PGLYRP3: variants seen among roughly 807,000 people sequenced by gnomAD.
PGLYRP3 encodes the protein peptidoglycan recognition protein I alpha.
PGLYRP3 carries 39 observed loss-of-function variants against 36.0 expected under a neutral mutation model. The ratio of observed to expected loss-of-function variants is 1.08; its 90% CI spans 0.84 to 1.41. PGLYRP3 has a LOEUF of 1.41. Ranked by LOEUF, PGLYRP3 falls within the 40% of genes most tolerant of loss-of-function variation. The pLI is 0.00. For synonymous variants in PGLYRP3, 204 were observed against 172.8 expected (o/e 1.18, Z -1.42); for missense variants, 407 against 427.9 (o/e 0.95, Z 0.43).
chr1:153,306,197 AAAAT>A (rs908664113), intron 3 of PGLYRP3, among the ~76,000 whole-genome samples: 2 of 152,198 alleles, frequency 1.3e-5, no homozygotes, highest in African/African-American at 2.4e-5. Context: ...TTTGTGTTTA[AAAAT>A]AAATAAATAA....
At position 153,312,602 on chromosome 1, in the gene PGLYRP3, T is replaced by TACACACACACAC. The variant is rs3840431; in HGVS notation, c.-42+29_-42+40dup. On this transcript the variant is annotated intron_variant, in intron 1 of 7. Coordinates refer to ENST00000683862, the MANE Select transcript of PGLYRP3 (RefSeq NM_052891.3). ...TGCTGAATGAAGACTTCTAAAGAAATACACACACACACACACACACACACT... is the reference window on the plus strand; with the variant it reads ...TGCTGAATGAAGACTTCTAAAGAAATACACACACACACACACACACACACACACACACACACT... Among the ~76,000 whole-genome samples, 645 of 150,096 alleles carry TACACACACACAC rather than the reference T, an allele frequency of 4.3e-3. 6 individuals carry two copies. The highest frequency in any genetic ancestry group is 0.015 in the African/African-American group (619 of 40,902).
At chr1:153,303,177 T>C (rs1659643549) in intron 5 of PGLYRP3, among the ~76,000 whole-genome samples, 2 of 152,236 alleles carry the variant, frequency 1.3e-5, no homozygotes, top group African/African-American at 4.8e-5. Context: ...GAGTGCTTAT[T>C]AATTTGACTG....
chr1:153,307,306 G>GC, intron 2 of PGLYRP3, 39 bp from the exon 3 acceptor site: 1 of 1,542,380 alleles, frequency 6.5e-7, no homozygotes. Flanking sequence ...AGCAGGCCCT[G>GC]CCCATCTTCC....
intron 6 of PGLYRP3, among the ~76,000 whole-genome samples, chr1:153,299,677 G>A (rs775840006): frequency 2.6e-5 from 4 of 152,078 alleles, no homozygotes; most frequent in Non-Finnish European, 4.4e-5. Context: ...CTCTAGTCTA[G>A]GCCATTCTCT....
rs908228575 is a variant in PGLYRP3, at chr1:153,302,982, C to G, written c.530-375G>C. On this transcript the variant is annotated intron_variant, in intron 5 of 7. Transcript: ENST00000683862. Reference sequence around the variant, plus strand: ...GCTACTACGCGGAAGTCAGTGGACTCTCCGAACTGATCACACATATTTGGA... The same window carrying G: ...GCTACTACGCGGAAGTCAGTGGACTGTCCGAACTGATCACACATATTTGGA... 4.6e-5 allele frequency among the ~76,000 whole-genome samples: 7 copies of G among 152,222 alleles called. 1 individual carries two copies. Among genetic ancestry groups the G allele is most frequent in the Non-Finnish European group, 8.8e-5 (6 of 68,040 alleles).
rs1453452853 is a variant in PGLYRP3, at chr1:153,299,141, T to C, written c.819A>G (p.Leu273=). The C allele has an allele frequency of 1.2e-6, 2 of 1,614,034 alleles. No individual in the cohort carries two copies. The highest frequency in any genetic ancestry group is 1.7e-6 in the Non-Finnish European group (2 of 1,180,028). ...SHTYGFNDIA[L]GIAFIGYFVE... is the part of the protein sequence containing the mutation. The stretch of plus-strand genomic sequence containing the variant: ...CAAAGTAGCCGATGAAGGCAATTCC[T>C]AGGGCAATATCGTTGAATCCATAAG... The change falls in exon 7 of 8, where the codon CTA becomes CTG. Residue 273 remains leucine (L), a synonymous_variant. Coordinates refer to ENST00000683862, the MANE Select transcript of PGLYRP3 (RefSeq NM_052891.3).
At chr1:153,298,551 G>C (rs1659503763) in intron 7 of PGLYRP3, among the ~76,000 whole-genome samples, 1 of 152,174 alleles carries the variant, frequency 6.6e-6, no homozygotes, top group Admixed American at 6.5e-5. Flanking sequence ...GCTGAGGCAG[G>C]AGAATGGCGT....
intron 7 of PGLYRP3, 116 bp downstream of exon 7, chr1:153,298,997 A>C: frequency 2.5e-6 from 2 of 813,094 alleles, no homozygotes; most frequent in Non-Finnish European, 4.2e-6. Flanking sequence ...TTTAAAGCTA[A>C]AATGTTCCAT....
intron 6 of PGLYRP3, among the ~76,000 whole-genome samples, chr1:153,301,393 T>G (rs1659594285): frequency 6.6e-6 from 1 of 152,188 alleles, no homozygotes. Flanking sequence ...AGGTGACATA[T>G]CATGAGGCTG....
chr1:153,309,768 C>T (rs948915631), intron 2 of PGLYRP3, among the ~76,000 whole-genome samples: 2 of 152,188 alleles, frequency 1.3e-5, no homozygotes, highest in Non-Finnish European at 2.9e-5. Context: ...GGAAGAGCAG[C>T]CCGCAGGCCA....
chr1:153,305,375 G>A (rs1659717743), intron 3 of PGLYRP3, among the ~76,000 whole-genome samples: 1 of 152,182 alleles, frequency 6.6e-6, no homozygotes, highest in African/African-American at 2.4e-5. Context: ...CTTTTCAAGA[G>A]CTTAAAAATT....
chr1:153,304,918 G>C (rs201438478), intron 4 of PGLYRP3, 29 bp downstream of exon 4: 79 of 1,566,048 alleles, frequency 5.0e-5, no homozygotes, highest in Non-Finnish European at 6.7e-5. Flanking sequence ...CAACTCTCCA[G>C]CACAGGGTCC....
At chr1:153,298,156 T>C (rs1286167592) in intron 7 of PGLYRP3, 22 bp from the exon 8 acceptor site, 2 of 1,612,292 alleles carry the variant, frequency 1.2e-6, no homozygotes, top group Non-Finnish European at 1.7e-6. Context: ...ATTTTCCCCA[T>C]CAGTCATTAG....
At chr1:153,305,990 A>T (rs150736602) in intron 3 of PGLYRP3, among the ~76,000 whole-genome samples, 333 of 152,356 alleles carry the variant, frequency 2.2e-3, no homozygotes, top group Middle Eastern at 6.8e-3. Context: ...AGAGATGCAG[A>T]GGCTGAAATA....
Position 153,312,715 on chromosome 1 carries a change from C to T in PGLYRP3, c.-114G>A, listed in dbSNP as rs965267987. On this transcript the variant is annotated 5_prime_UTR_variant, in exon 1 of 8. Coordinates refer to ENST00000683862, the MANE Select transcript of PGLYRP3 (RefSeq NM_052891.3). The stretch of plus-strand genomic sequence containing the variant: ...CTCGCCCCTGATTGGCCAGCAGCTC[C>T]TTCCCTTCCAGACTTGGCCTCCAGG... 6.6e-6 allele frequency among the ~76,000 whole-genome samples: 1 copy of T among 152,156 alleles called. No individual in the cohort carries two copies. Among genetic ancestry groups the T allele is most frequent in the African/African-American group, 2.4e-5 (1 of 41,430 alleles).
chr1:153,306,448 C>T (rs562540682), intron 3 of PGLYRP3, among the ~76,000 whole-genome samples: 4 of 152,102 alleles, frequency 2.6e-5, no homozygotes, highest in Non-Finnish European at 5.9e-5. Context: ...TTGTTTCTTG[C>T]GGGTCTCTCC....
chr1:153,309,435 T>C (rs1204390377), intron 2 of PGLYRP3, among the ~76,000 whole-genome samples: 10 of 152,234 alleles, frequency 6.6e-5, no homozygotes, highest in African/African-American at 2.2e-4. Flanking sequence ...TCATAACAAC[T>C]GTACTCTGCA....
At chr1:153,310,919 A>G (rs979573055) in intron 1 of PGLYRP3, among the ~76,000 whole-genome samples, 4 of 151,694 alleles carry the variant, frequency 2.6e-5, no homozygotes, top group African/African-American at 9.7e-5. Context: ...CTCCCCACCC[A>G]CCTCCTGTTG....
chr1:153,298,535 C>G (rs1659501293), intron 7 of PGLYRP3, among the ~76,000 whole-genome samples: 1 of 151,986 alleles, frequency 6.6e-6, no homozygotes, highest in Admixed American at 6.6e-5. Flanking sequence ...CCCAGCTACT[C>G]GAGAGGCTGA....
Sources: allele counts gnomAD v4.1 joint callset (sites outside exome capture counted in the v4.1 genomes callset), GRCh38; gene constraint gnomAD v4.1.1; transcripts MANE v1.5; gene names NCBI Gene and HGNC (gene_info 2026-07-23, HGNC 2026-07-21).